The following ATP8A2 variants were observed in gnomAD, a reference collection of about 807,000 sequenced individuals.
ATP8A2 encodes the protein ATPase phospholipid transporting 8A2.
Under a neutral mutation model 165.6 loss-of-function variants are expected in ATP8A2, and 100 were observed. The observed-to-expected ratio is 0.60, with a 90% CI of 0.51 to 0.71. The LOEUF is 0.71. Among genes scored for constraint, ATP8A2 ranks in the 30% least tolerant of loss-of-function variants. The probability of loss-of-function intolerance (pLI) is 0.00; values close to 1 mark genes in which losing one functional copy is unlikely to be tolerated. For missense variants in ATP8A2, 1,227 were observed against 1,479.5 expected (o/e 0.83, Z 2.80); for synonymous variants, 543 against 548.8 (o/e 0.99, Z 0.15).
intron 34 of ATP8A2, among the ~76,000 whole-genome samples, chr13:25,967,605 T>G (rs1489612412): frequency 6.6e-6 from 1 of 152,218 alleles, no homozygotes; most frequent in East Asian, 1.9e-4. Flanking sequence ...TGTATTTATA[T>G]TTAAATTAAA....
intron 1 of ATP8A2, among the ~76,000 whole-genome samples, chr13:25,396,328 C>T (rs148748424): frequency 6.6e-6 from 1 of 152,282 alleles, no homozygotes; most frequent in East Asian, 1.9e-4. Flanking sequence ...AGTTTTTACA[C>T]AGAAAGAGGA....
At position 25,558,511 on chromosome 13, in the gene ATP8A2, G is replaced by T. The variant is rs2039048481; in HGVS notation, c.1264-462G>T. Among the ~76,000 whole-genome samples the T allele has an allele frequency of 2.0e-5, 3 of 152,232 alleles. No homozygotes were observed. The South Asian group carries it at 6.2e-4, about 32-fold the overall frequency. On this transcript the variant is annotated intron_variant, in intron 13 of 36. Transcript: ENST00000381655. ...TAATCAGTCCCTCTTCTATACAACA[G>T]TAAAACACTGCTTCCCTAGACCAGT...
chr13:25,836,839 G>A (rs751282504), intron 28 of ATP8A2, among the ~76,000 whole-genome samples: 1 of 152,198 alleles, frequency 6.6e-6, no homozygotes, highest in Non-Finnish European at 1.5e-5. Context: ...AGAAAACAAA[G>A]CAACACTTCA....
In ATP8A2 at chr13:26,005,101, C is replaced by T. The variant is rs575249610; in HGVS notation, c.3378-7430C>T. On this transcript the variant is annotated intron_variant, in intron 35 of 36. Transcript: ENST00000381655. ...TGGTAGAATTCAGAAGAGCAGCCAT[C>T]AGGTCTTGGCCTTTTCTTTGATGGG... Among the ~76,000 whole-genome samples, 13 of 152,122 alleles carry T rather than the reference C, an allele frequency of 8.5e-5. No individual in the cohort carries two copies. In the South Asian group the frequency reaches 2.5e-3, roughly 29 times the overall value.
At chr13:25,732,432 G>T (rs1041192191) in intron 25 of ATP8A2, among the ~76,000 whole-genome samples, 2 of 152,190 alleles carry the variant, frequency 1.3e-5, no homozygotes, top group Non-Finnish European at 2.9e-5. Flanking sequence ...TCCAAGCTAT[G>T]ATTTGTTGTT....
chr13:25,798,962 T>G (rs939083875), intron 27 of ATP8A2, among the ~76,000 whole-genome samples: 1 of 151,818 alleles, frequency 6.6e-6, no homozygotes, highest in African/African-American at 2.4e-5. Flanking sequence ...GAGACCAGCC[T>G]GGGCAACATA....
At chr13:25,964,934 C>T (rs986741231) in intron 34 of ATP8A2, among the ~76,000 whole-genome samples, 7 of 152,220 alleles carry the variant, frequency 4.6e-5, no homozygotes, top group South Asian at 2.1e-4. Context: ...CCGAGGTGGG[C>T]GGATCATCTG....
At chr13:25,443,252 A>G (rs1593314047) in intron 1 of ATP8A2, among the ~76,000 whole-genome samples, 3 of 152,220 alleles carry the variant, frequency 2.0e-5, no homozygotes, top group South Asian at 2.1e-4. Context: ...ATAGCAACCT[A>G]TAGTGATTAA....
intron 24 of ATP8A2, among the ~76,000 whole-genome samples, chr13:25,689,211 G>A (rs950424504): frequency 7.2e-5 from 11 of 152,152 alleles, no homozygotes; most frequent in African/African-American, 2.2e-4. Context: ...GTTTTAGCAC[G>A]TGTTTTAAGA....
intron 25 of ATP8A2, among the ~76,000 whole-genome samples, chr13:25,719,407 T>A (rs1177558162): frequency 6.6e-6 from 1 of 151,956 alleles, no homozygotes; most frequent in African/African-American, 2.4e-5. Context: ...GACATGAACA[T>A]TGCTTCTTAA....
At chr13:25,792,521 G>A (rs922310006) in intron 27 of ATP8A2, among the ~76,000 whole-genome samples, 7 of 152,078 alleles carry the variant, frequency 4.6e-5, no homozygotes, top group Admixed American at 1.3e-4. Flanking sequence ...ATTATTTACC[G>A]ACTACCACTT....
At chr13:25,793,720 T>C (rs1950433806) in intron 27 of ATP8A2, among the ~76,000 whole-genome samples, 1 of 152,168 alleles carries the variant, frequency 6.6e-6, no homozygotes, top group Non-Finnish European at 1.5e-5. Context: ...CATTTTGTGT[T>C]AGCCATTAAC....
At chr13:25,390,358 C>T (rs899296215) in intron 1 of ATP8A2, among the ~76,000 whole-genome samples, 5 of 152,126 alleles carry the variant, frequency 3.3e-5, no homozygotes, top group Non-Finnish European at 5.9e-5. Context: ...GAAATGTGCC[C>T]TTTTGAGGTG....
At chr13:25,992,873 A>G (rs1956424082) in intron 35 of ATP8A2, among the ~76,000 whole-genome samples, 1 of 145,740 alleles carries the variant, frequency 6.9e-6, no homozygotes, top group Non-Finnish European at 1.5e-5. Context: ...AGAGTGTGAT[A>G]TTCCCCTTCC....
intron 33 of ATP8A2, among the ~76,000 whole-genome samples, chr13:25,870,839 A>C (rs1409800467): frequency 2.0e-5 from 3 of 152,250 alleles, no homozygotes; most frequent in Non-Finnish European, 4.4e-5. Context: ...TAGAATTTTT[A>C]AAATATGAAT....
intron 1 of ATP8A2, among the ~76,000 whole-genome samples, chr13:25,409,536 T>C (rs1458850277): frequency 6.6e-6 from 1 of 152,200 alleles, no homozygotes; most frequent in Non-Finnish European, 1.5e-5. Context: ...TATGGATTCA[T>C]CATGAGCTTC....
chr13:25,776,791 G>C (rs1274505919), intron 27 of ATP8A2, among the ~76,000 whole-genome samples: 1 of 152,174 alleles, frequency 6.6e-6, no homozygotes, highest in Non-Finnish European at 1.5e-5. Flanking sequence ...CCAGCATTTT[G>C]TGCTCCTGTA....
At chr13:25,710,104 A>C (rs1427882960) in intron 25 of ATP8A2, among the ~76,000 whole-genome samples, 2 of 151,812 alleles carry the variant, frequency 1.3e-5, no homozygotes, top group Admixed American at 1.3e-4. Flanking sequence ...GAAGGAGGAG[A>C]CTTTTATTTT....
chr13:25,713,312 G>A (rs2043191296), intron 25 of ATP8A2, among the ~76,000 whole-genome samples: 1 of 152,074 alleles, frequency 6.6e-6, no homozygotes, highest in South Asian at 2.1e-4. Context: ...GGGCTAAGAG[G>A]CAAGTTTTAT....
Sources: allele counts gnomAD v4.1 joint callset (sites outside exome capture counted in the v4.1 genomes callset), GRCh38; gene constraint gnomAD v4.1.1; transcripts MANE v1.5; gene names NCBI Gene and HGNC (gene_info 2026-07-23, HGNC 2026-07-21).